Variants in SCN8A observed in about 807,000 individuals in gnomAD.
The protein encoded by SCN8A is sodium channel protein type 8 subunit alpha.
SCN8A carries 30 observed loss-of-function variants against 184.1 expected under a neutral mutation model. The ratio of observed to expected loss-of-function variants is 0.16; its 90% CI spans 0.12 to 0.22. The LOEUF is 0.22. Ranked by LOEUF, SCN8A falls within the 10% of genes least tolerant of loss-of-function variation. SCN8A has a pLI of 1.00. For missense variants in SCN8A, 1,057 were observed against 2,498.9 expected, an observed-to-expected ratio of 0.42 and a Z score of 12.30; for synonymous variants, 852 against 907.0, an observed-to-expected ratio of 0.94 and a Z score of 1.09.
chr12:51,643,265 C>G (rs1940494827), intron 1 of SCN8A, among the ~76,000 whole-genome samples: 1 of 152,184 alleles, frequency 6.6e-6, no homozygotes, highest in African/African-American at 2.4e-5. Context: ...TGGAGAGAGG[C>G]TGCTCCCAAT....
rs563920523 is a variant in SCN8A, at chr12:51,745,445, A to G, written c.1999-458A>G. ...CCTACTCAAGGAAGAAACAGCATCT[A>G]TAATACTTAGTGTGATCAGGGACTT... On this transcript the variant is annotated intron_variant, in intron 12 of 26. Transcript: ENST00000627620. 3.1e-4 allele frequency among the ~76,000 whole-genome samples: 47 copies of G among 152,344 alleles called. No individual in the cohort carries two copies. In the South Asian group the frequency reaches 7.9e-3, roughly 26 times the overall value.
intron 2 of SCN8A, among the ~76,000 whole-genome samples, chr12:51,669,896 G>A (rs1941101147): frequency 1.3e-5 from 2 of 152,172 alleles, no homozygotes; most frequent in African/African-American, 4.8e-5. Flanking sequence ...ATTACGGAAG[G>A]ATTTATGTTC....
At chr12:51,772,360 A>G (rs1034159339) in intron 19 of SCN8A, among the ~76,000 whole-genome samples, 1 of 150,292 alleles carries the variant, frequency 6.7e-6, no homozygotes, top group African/African-American at 2.5e-5. Flanking sequence ...GCACCATTGC[A>G]CTCCAGCCTG....
chr12:51,648,025 G>C (rs180785530), intron 1 of SCN8A, among the ~76,000 whole-genome samples: 3 of 128,212 alleles, frequency 2.3e-5, no homozygotes, highest in African/African-American at 7.8e-5. Flanking sequence ...AGATGGTGGC[G>C]TGAGGTGTGC....
intron 1 of SCN8A, among the ~76,000 whole-genome samples, chr12:51,658,428 A>G (rs7953996): frequency 0.72 from 109,308 of 151,976 alleles, 42,122 homozygotes; most frequent in East Asian, 0.86. Context: ...TTGTGGATGT[A>G]TAGAAATGCT....
In SCN8A at chr12:51,790,009, A is replaced by G. The variant is rs901808418; in HGVS notation, c.4420-389A>G. The stretch of plus-strand genomic sequence containing the variant: ...GGGTATCATCTAAAATAAATTGGCT[A>G]TCAGCCAGGACACAAAGATCTTTTT... On this transcript the variant is annotated intron_variant, in intron 24 of 26. Transcript: ENST00000627620. Among the ~76,000 whole-genome samples the G allele has an allele frequency of 3.3e-5, 5 of 152,264 alleles. No individual in the cohort carries two copies. In the East Asian group the frequency reaches 7.7e-4, roughly 23 times the overall value.
At chr12:51,761,182 G>A (rs995554576) in intron 14 of SCN8A, among the ~76,000 whole-genome samples, 4 of 152,074 alleles carry the variant, frequency 2.6e-5, no homozygotes, top group African/African-American at 7.2e-5. Context: ...GGCATTCATG[G>A]GATTTGACTT....
At chr12:51,790,934 C>T (rs1411191820) in intron 25 of SCN8A, among the ~76,000 whole-genome samples, 2 of 152,160 alleles carry the variant, frequency 1.3e-5, no homozygotes. Context: ...TAAAATCATG[C>T]TTCTGGTTAT....
At chr12:51,775,591 A>T (rs1334342990) in intron 20 of SCN8A, among the ~76,000 whole-genome samples, 1 of 152,198 alleles carries the variant, frequency 6.6e-6, no homozygotes, top group African/African-American at 2.4e-5. Flanking sequence ...GCAACTGTTG[A>T]TACCATCCTG....
intron 12 of SCN8A, 95 bp downstream of exon 12, chr12:51,722,003 C>CT: frequency 6.3e-7 from 1 of 1,590,772 alleles, no homozygotes; most frequent in South Asian, 1.1e-5. Context: ...CCTTCCCCTC[C>CT]TCTTTCCCTG....
chr12:51,754,963 G>T (rs987251547), intron 14 of SCN8A, among the ~76,000 whole-genome samples: 1 of 152,146 alleles, frequency 6.6e-6, no homozygotes, highest in Non-Finnish European at 1.5e-5. Flanking sequence ...GTGAAGTTAC[G>T]CTTTTTCCAT....
intron 1 of SCN8A, among the ~76,000 whole-genome samples, chr12:51,632,091 C>A (rs538510723): frequency 1.4e-4 from 22 of 152,278 alleles, no homozygotes; most frequent in African/African-American, 4.8e-4. Context: ...CCCATGTCTA[C>A]CTGGCTGGCC....
chr12:51,594,764 A>G (rs1192599785), intron 1 of SCN8A, among the ~76,000 whole-genome samples: 1 of 152,104 alleles, frequency 6.6e-6, no homozygotes, highest in Non-Finnish European at 1.5e-5. Context: ...CAAAACAATT[A>G]TCTGTGTTTT....
At chr12:51,635,131 A>AT (rs1450776608) in intron 1 of SCN8A, among the ~76,000 whole-genome samples, 1 of 152,128 alleles carries the variant, frequency 6.6e-6, no homozygotes, top group East Asian at 1.9e-4. Flanking sequence ...AACAATTTTG[A>AT]TTTGTTGTTA....
chr12:51,688,651 G>A (rs1215781187), intron 5 of SCN8A: 4 of 741,114 alleles, frequency 5.4e-6, no homozygotes, highest in Non-Finnish European at 9.3e-6. Flanking sequence ...TCTTTTTCAA[G>A]GAAAAAAAAT....
chr12:51,644,728 G>A (rs1167572112), intron 1 of SCN8A, among the ~76,000 whole-genome samples: 1 of 151,332 alleles, frequency 6.6e-6, no homozygotes, highest in East Asian at 2.0e-4. Flanking sequence ...CCTCTGCCTG[G>A]CTGCCCAGTC....
Position 51,702,893 on chromosome 12 carries a change from T to C in SCN8A, c.1113T>C (p.Tyr371=), listed in dbSNP as rs767831588. The C allele has an allele frequency of 3.8e-6, 6 of 1,599,862 alleles. No individual in the cohort carries two copies. The highest frequency in any genetic ancestry group is 2.2e-5 in the East Asian group (1 of 44,626). ...TATTTCGCCTTATGACCCAGGACTA[T>C]TGGGAAAACTTGTATCAATTGGTGA... is the stretch of plus-strand genomic sequence containing the variant. ...LALFRLMTQD[Y]WENLYQLTLR... is the part of the protein sequence containing the mutation. The change falls in exon 9 of 27, where the codon TAT becomes TAC. Residue 371 remains tyrosine, a synonymous_variant. Transcript: ENST00000627620.
intron 26 of SCN8A, among the ~76,000 whole-genome samples, chr12:51,805,802 ATTGT>A (rs1393419794): frequency 6.6e-6 from 1 of 150,608 alleles, no homozygotes; most frequent in African/African-American, 2.4e-5. Context: ...TGTCTATTTT[ATTGT>A]TTACTTTTCT....
intron 26 of SCN8A, among the ~76,000 whole-genome samples, chr12:51,795,355 C>G (rs1454993747): frequency 6.6e-6 from 1 of 152,062 alleles, no homozygotes; most frequent in African/African-American, 2.4e-5. Flanking sequence ...GAAATGCCAC[C>G]CTGTTGATTG....
Sources: allele counts gnomAD v4.1 joint callset (sites outside exome capture counted in the v4.1 genomes callset), GRCh38; gene constraint gnomAD v4.1.1; transcripts MANE v1.5; gene names NCBI Gene and HGNC (gene_info 2026-07-23, HGNC 2026-07-21).